The following RHCE variants were observed in gnomAD, a reference collection of about 807,000 sequenced individuals.
RHCE encodes the protein blood group Rh(CE) polypeptide.
A neutral mutation model predicts 43.8 loss-of-function variants in RHCE; 22 were observed. That is an observed-to-expected ratio of 0.50 (90% confidence interval 0.36 to 0.72). The LOEUF is 0.72. Among genes scored for constraint, RHCE ranks in the 30% least tolerant of loss-of-function variants. The probability of loss-of-function intolerance (pLI) is 0.00; values close to 1 mark genes in which losing one functional copy is unlikely to be tolerated. For synonymous variants in RHCE, 156 were observed against 210.7 expected (o/e 0.74, Z 2.25); for missense variants, 385 against 525.4 (o/e 0.73, Z 2.61).
upstream of RHCE, among the ~76,000 whole-genome samples, chr1:25,421,585 G>A (rs138163244): frequency 0.046 from 6,970 of 152,210 alleles, 505 homozygotes; most frequent in African/African-American, 0.15. Flanking sequence ...AAGGCCACCA[G>A]CCTCAGCATC....
intron 1 of RHCE, among the ~76,000 whole-genome samples, chr1:25,410,723 G>A (rs1437579177): frequency 1.3e-5 from 2 of 152,114 alleles, no homozygotes; most frequent in East Asian, 3.8e-4. Context: ...TCGAAAAGGT[G>A]GAAGGGGAAG....
chr1:25,429,656 A>G (rs1410182527), intron 1 of RHCE, among the ~76,000 whole-genome samples: 1 of 152,208 alleles, frequency 6.6e-6, no homozygotes, highest in Admixed American at 6.5e-5. Context: ...TATGACCACT[A>G]TTCTATTTAA....
intron 7 of RHCE, among the ~76,000 whole-genome samples, chr1:25,375,949 C>A (rs1645773516): frequency 6.6e-6 from 1 of 151,256 alleles, no homozygotes; most frequent in South Asian, 2.1e-4. Context: ...CGCCACCATA[C>A]CTGGATAATT....
chr1:25,424,345 C>G (rs2124556772), upstream of RHCE, among the ~76,000 whole-genome samples: 1 of 152,182 alleles, frequency 6.6e-6, no homozygotes, highest in Middle Eastern at 3.4e-3. Flanking sequence ...GATCTGTACT[C>G]CACCATCCCC....
At chr1:25,372,399 A>G (rs993380976) in intron 8 of RHCE, among the ~76,000 whole-genome samples, 1 of 151,530 alleles carries the variant, frequency 6.6e-6, no homozygotes, top group Non-Finnish European at 1.5e-5. Context: ...CATGCCTGTA[A>G]TCCCAGCTAC....
At chr1:25,427,115 A>G (rs1350480003) in intron 2 of RHCE, among the ~76,000 whole-genome samples, 1 of 152,152 alleles carries the variant, frequency 6.6e-6, no homozygotes, top group Non-Finnish European at 1.5e-5. Context: ...AGAGGTGGCC[A>G]TCGAAATGTT....
chr1:25,413,394 G>C (rs1251293958), intron 1 of RHCE, among the ~76,000 whole-genome samples: 1 of 152,032 alleles, frequency 6.6e-6, no homozygotes, highest in Admixed American at 6.6e-5. Flanking sequence ...ATCCTCACTG[G>C]TATCAGCCTC....
At position 25,427,989 on chromosome 1, in the gene RHCE, C is replaced by T. The variant is rs115281525; in HGVS notation, c.-40+964G>A. On this transcript the variant is annotated intron_variant, in intron 2 of 11. Coordinates refer to the RHCE transcript ENST00000349320. The stretch of plus-strand genomic sequence containing the variant: ...CTTCAGATTGTTTGTCAGCCATCAC[C>T]CTCAGATTTTCTCTGCCCTTTCTCT... 5.9e-3 allele frequency among the ~76,000 whole-genome samples: 896 copies of T among 152,266 alleles called. 4 individuals are homozygous for T. Among genetic ancestry groups the T allele is most frequent in the Admixed American group, 8.9e-3 (136 of 15,296 alleles).
At chr1:25,416,478 T>C (rs1474051534) in intron 1 of RHCE, among the ~76,000 whole-genome samples, 2 of 152,170 alleles carry the variant, frequency 1.3e-5, no homozygotes, top group Non-Finnish European at 2.9e-5. Context: ...TTAGCCAGGA[T>C]GGTCTCCATC....
intron 2 of RHCE, among the ~76,000 whole-genome samples, chr1:25,405,068 G>A (rs561579289): frequency 3.7e-4 from 56 of 150,772 alleles, no homozygotes; most frequent in African/African-American, 1.4e-3. Context: ...GCGTGGTGGT[G>A]TGTGCCTGTG....
intron 2 of RHCE, among the ~76,000 whole-genome samples, chr1:25,426,121 A>C (rs1486641371): frequency 6.6e-6 from 1 of 152,250 alleles, no homozygotes; most frequent in Non-Finnish European, 1.5e-5. Context: ...TCAGATGTGT[A>C]GAAAACACTC....
intron 2 of RHCE, among the ~76,000 whole-genome samples, chr1:25,427,056 CA>C (rs57239579): frequency 0.063 from 8,517 of 135,740 alleles, 729 homozygotes; most frequent in African/African-American, 0.2. Flanking sequence ...GACTCCATCT[CA>C]AAAAAAAAAA....
chr1:25,423,031 A>AC (rs2042779082), upstream of RHCE, among the ~76,000 whole-genome samples: 1 of 151,894 alleles, frequency 6.6e-6, no homozygotes. Flanking sequence ...GGGGTTGGGG[A>AC]CCCCCAGCCT....
At chr1:25,427,795 C>T (rs2042816752) in intron 2 of RHCE, among the ~76,000 whole-genome samples, 1 of 152,244 alleles carries the variant, frequency 6.6e-6, no homozygotes. Flanking sequence ...TGTTTCCTCT[C>T]AGCCTCAGTT....
At chr1:25,404,870 T>C (rs1420232696) in intron 2 of RHCE, among the ~76,000 whole-genome samples, 1 of 151,726 alleles carries the variant, frequency 6.6e-6, no homozygotes, top group Non-Finnish European at 1.5e-5. Context: ...GGGAGAGTCC[T>C]GCAGATTTCA....
intron 1 of RHCE, among the ~76,000 whole-genome samples, chr1:25,418,348 TTG>T (rs1419670356): frequency 6.6e-6 from 1 of 151,138 alleles, no homozygotes; most frequent in Non-Finnish European, 1.5e-5. Context: ...TCTTTGTTTT[TTG>T]TTGTTGTTGT....
chr1:25,386,051 G>T (rs1646147438), intron 6 of RHCE, among the ~76,000 whole-genome samples: 1 of 152,134 alleles, frequency 6.6e-6, no homozygotes, highest in African/African-American at 2.4e-5. Flanking sequence ...GATGTGGGGT[G>T]GGGTCTAAGA....
upstream of RHCE, among the ~76,000 whole-genome samples, chr1:25,421,850 G>A (rs562265023): frequency 2.0e-5 from 3 of 152,326 alleles, no homozygotes; most frequent in East Asian, 5.8e-4. Context: ...CCAGCCACTG[G>A]CCACTGAGTG....
chr1:25,378,622 C>T (rs774401837), intron 7 of RHCE, among the ~76,000 whole-genome samples: 7 of 152,206 alleles, frequency 4.6e-5, no homozygotes, highest in Non-Finnish European at 7.3e-5. Context: ...AACCCCTCAG[C>T]TACAAATTCC....
Sources: gnomAD v4.1 joint callset for allele counts (sites outside exome capture counted in the v4.1 genomes callset) on GRCh38, gnomAD v4.1.1 for gene constraint, MANE v1.5 for transcripts, NCBI Gene and HGNC (gene_info 2026-07-23, HGNC 2026-07-21) for gene names.